DIP2B: variants seen among roughly 807,000 people sequenced by gnomAD.
DIP2B encodes DIP2 acetate--CoA ligase B (putative).
A neutral mutation model predicts 198.0 loss-of-function variants in DIP2B; 76 were observed. The observed-to-expected ratio is 0.38, with a 90% CI of 0.32 to 0.46. The LOEUF (loss-of-function observed/expected upper bound fraction) is 0.46, where lower values mean the gene tolerates loss of function less well. Ranked by LOEUF, DIP2B falls within the 20% of genes least tolerant of loss-of-function variation. The pLI, the probability that DIP2B is intolerant of heterozygous loss-of-function variation, is 0.99. For missense variants in DIP2B, 1,559 were observed against 1,978.4 expected (o/e 0.79, Z 4.02); for synonymous variants, 701 against 739.1 (o/e 0.95, Z 0.84).
intron 14 of DIP2B, among the ~76,000 whole-genome samples, chr12:50,693,472 G>C (rs1167354501): frequency 6.6e-6 from 1 of 151,976 alleles, no homozygotes; most frequent in Non-Finnish European, 1.5e-5. Context: ...TATAGGTGGA[G>C]AGAGAAAAAA....
chr12:50,645,033 C>T (rs946119590), intron 3 of DIP2B, among the ~76,000 whole-genome samples: 3 of 151,964 alleles, frequency 2.0e-5, no homozygotes, highest in African/African-American at 7.3e-5. Context: ...TTTAACATAC[C>T]TAAAATCAGA....
At chr12:50,611,784 G>A (rs1294244777) in intron 1 of DIP2B, among the ~76,000 whole-genome samples, 4 of 151,932 alleles carry the variant, frequency 2.6e-5, no homozygotes, top group African/African-American at 4.8e-5. Context: ...CCCCTCTCTC[G>A]GGCTTTTAGC....
At chr12:50,677,421 C>G (rs1231291705) in intron 7 of DIP2B, among the ~76,000 whole-genome samples, 2 of 152,088 alleles carry the variant, frequency 1.3e-5, no homozygotes, top group African/African-American at 4.8e-5. Flanking sequence ...TCAAGACCAG[C>G]CTGGCCAATA....
At position 50,719,497 on chromosome 12, in the gene DIP2B, A is replaced by T. The variant is rs146067926; in HGVS notation, c.3042+462A>T. Among the ~76,000 whole-genome samples, 488 of 152,342 alleles carry T rather than the reference A, an allele frequency of 3.2e-3. 2 individuals are homozygous for T. Among genetic ancestry groups the T allele is most frequent in the African/African-American group, 0.011 (469 of 41,562 alleles). ...ACAGATAAAAAGCAAATTGAAAATT[A>T]CTCAAAGAGCACATTTAACTACTGG... On this transcript the variant is annotated intron_variant, in intron 25 of 37. Coordinates refer to ENST00000301180, the MANE Select transcript of DIP2B (RefSeq NM_173602.3).
chr12:50,549,929 A>G (rs1958412680), intron 1 of DIP2B, among the ~76,000 whole-genome samples: 1 of 152,068 alleles, frequency 6.6e-6, no homozygotes, highest in African/African-American at 2.4e-5. Context: ...CCTATTCCAA[A>G]TTTAACAATC....
rs374414894 is a variant in DIP2B, at chr12:50,640,802, A to G, written c.251A>G (p.Lys84Arg). 1 of 1,614,022 alleles carries G rather than the reference A, an allele frequency of 6.2e-7. No individual in the cohort carries two copies. The highest frequency in any genetic ancestry group is 8.5e-7 in the Non-Finnish European group (1 of 1,179,904). ...GCAGCTCAAACTTCTGCTCCCTCTA[A>G]GTACCACCGAACTCGATCTGGGGGA... ...PSAAQTSAPS[K>R]YHRTRSGGAR... Residue 84 changes from lysine to arginine, a missense_variant, in exon 3 of 38, where the codon AAG becomes AGG. By Grantham distance (26) the Lys-to-Arg change is conservative. Coordinates refer to ENST00000301180, the MANE Select transcript of DIP2B (RefSeq NM_173602.3).
intron 22 of DIP2B, among the ~76,000 whole-genome samples, chr12:50,711,444 A>G (rs1180936066): frequency 6.6e-6 from 1 of 152,212 alleles, no homozygotes; most frequent in Non-Finnish European, 1.5e-5. Flanking sequence ...AAACACAGAA[A>G]CTTAGGAACT....
At chr12:50,639,980 T>C (rs1209134496) in intron 2 of DIP2B, among the ~76,000 whole-genome samples, 4 of 152,210 alleles carry the variant, frequency 2.6e-5, no homozygotes, top group South Asian at 2.1e-4. Context: ...GTTTCAGTTA[T>C]GCAAGATTAG....
intron 37 of DIP2B, among the ~76,000 whole-genome samples, chr12:50,741,936 C>T (rs1940251485): frequency 6.6e-6 from 1 of 152,174 alleles, no homozygotes; most frequent in Non-Finnish European, 1.5e-5. Context: ...TCCTAATTAT[C>T]AGAAGCATCA....
At chr12:50,512,254 G>C (rs918861187) in intron 1 of DIP2B, among the ~76,000 whole-genome samples, 1 of 151,492 alleles carries the variant, frequency 6.6e-6, no homozygotes, top group South Asian at 2.1e-4. Flanking sequence ...TTACAGGCTT[G>C]TGCCACCACG....
intron 8 of DIP2B, 23 bp from the exon 9 acceptor site, chr12:50,680,649 G>T (rs1245994682): frequency 1.3e-6 from 2 of 1,548,734 alleles, no homozygotes; most frequent in Admixed American, 1.7e-5. Flanking sequence ...TATGACTGTT[G>T]TTTTTTTTTC....
intron 1 of DIP2B, among the ~76,000 whole-genome samples, chr12:50,573,512 G>A (rs527360449): frequency 1.4e-4 from 22 of 152,148 alleles, no homozygotes; most frequent in South Asian, 8.3e-4. Context: ...CTTTTAAAAT[G>A]TGCAATAGAT....
rs746551516 is a variant in DIP2B, at chr12:50,683,265, T to C, written c.1317+17T>C. 2.5e-6 allele frequency: 4 copies of C among 1,592,008 alleles called. No homozygotes were observed. In the African/African-American group the frequency reaches 5.4e-5, roughly 21 times the overall value. Reference sequence around the variant, plus strand: ...ACCAGAAAGGTAACATTGCTAAATTTAAGAGGAATGTAGCCTGATGTGACA... The same window carrying C: ...ACCAGAAAGGTAACATTGCTAAATTCAAGAGGAATGTAGCCTGATGTGACA... On this transcript the variant is annotated intron_variant, in intron 10 of 37. Coordinates refer to ENST00000301180, the MANE Select transcript of DIP2B (RefSeq NM_173602.3).
rs539305807 is a variant in DIP2B, at chr12:50,687,977, G to A, written c.1551+1295G>A. 1.4e-4 allele frequency among the ~76,000 whole-genome samples: 22 copies of A among 151,762 alleles called. 1 individual carries two copies. Among genetic ancestry groups the A allele is most frequent in the African/African-American group, 4.8e-4 (20 of 41,404 alleles). ...GCCTGTAATCCTGGCACTTTTGGAGGCTGAGGTGGATGCTCCTGAGGTCAG... is the reference window on the plus strand; with the variant it reads ...GCCTGTAATCCTGGCACTTTTGGAGACTGAGGTGGATGCTCCTGAGGTCAG... On this transcript the variant is annotated intron_variant, in intron 12 of 37. Coordinates refer to ENST00000301180, the MANE Select transcript of DIP2B (RefSeq NM_173602.3).
chr12:50,593,718 C>T, intron 1 of DIP2B, among the ~76,000 whole-genome samples: 1 of 3,660 alleles, frequency 2.7e-4, no homozygotes, highest in African/African-American at 3.2e-3. Flanking sequence ...CTCCTCTCCT[C>T]TCCTCTCCTC....
At chr12:50,634,588 T>G (rs1056267534) in intron 2 of DIP2B, among the ~76,000 whole-genome samples, 2 of 152,180 alleles carry the variant, frequency 1.3e-5, no homozygotes, top group African/African-American at 4.8e-5. Context: ...ACTTAGGGGT[T>G]TGTTCAATTA....
chr12:50,588,145 T>C (rs1320749348), intron 1 of DIP2B, among the ~76,000 whole-genome samples: 1 of 151,224 alleles, frequency 6.6e-6, no homozygotes, highest in Non-Finnish European at 1.5e-5. Flanking sequence ...TCTTTTTTTT[T>C]TCTTTTTCTT....
chr12:50,549,185 A>G (rs929849738), intron 1 of DIP2B, among the ~76,000 whole-genome samples: 8 of 149,714 alleles, frequency 5.3e-5, no homozygotes, highest in African/African-American at 1.2e-4. Flanking sequence ...AAAAAAAAAA[A>G]GGGCTGGGCG....
intron 3 of DIP2B, among the ~76,000 whole-genome samples, chr12:50,649,360 A>G (rs1465938225): frequency 6.6e-6 from 1 of 152,244 alleles, no homozygotes; most frequent in Non-Finnish European, 1.5e-5. Flanking sequence ...TATAGAGACT[A>G]ATTAAAACTG....
Sources: allele counts gnomAD v4.1 joint callset (sites outside exome capture counted in the v4.1 genomes callset), GRCh38; gene constraint gnomAD v4.1.1; transcripts MANE v1.5; gene names NCBI Gene and HGNC (gene_info 2026-07-23, HGNC 2026-07-21).